Variants in PRPS1 observed in about 807,000 individuals in gnomAD.
PRPS1 encodes ribose-phosphate pyrophosphokinase 1.
In PRPS1, 1 loss-of-function variant was observed where a neutral mutation model predicts 16.9. That is an observed-to-expected ratio of 0.06 (90% confidence interval 0.02 to 0.28). The LOEUF is 0.28. Among genes scored for constraint, PRPS1 ranks in the 10% least tolerant of loss-of-function variants. PRPS1 has a pLI of 1.00. For synonymous variants in PRPS1, 70 were observed against 90.2 expected, an observed-to-expected ratio of 0.78 and a Z score of 1.27; for missense variants, 47 against 254.0, an observed-to-expected ratio of 0.19 and a Z score of 5.54.
intron 5 of PRPS1, 113 bp downstream of exon 5, chrX:107,645,463 TTG>T: frequency 1.1e-6 from 1 of 913,020 alleles, no homozygotes; most frequent in Non-Finnish European, 1.6e-6. Flanking sequence ...ATAAGTAACT[TTG>T]TGAGATTTTT....
chrX:107,641,950 A>G (rs1925582731), intron 3 of PRPS1, among the ~76,000 whole-genome samples: 1 of 112,621 alleles, frequency 8.9e-6, no homozygotes, highest in South Asian at 3.6e-4. Context: ...AGTAGCTTCC[A>G]TTAAGTTTAT....
chrX:107,645,401 G>C (rs767573168), intron 5 of PRPS1, 51 bp downstream of exon 5: 2 of 1,196,626 alleles, frequency 1.7e-6, no homozygotes, highest in South Asian at 1.8e-5. Context: ...GCTAGCAATT[G>C]CTGTCTGAAT....
intron 4 of PRPS1, 144 bp downstream of exon 4, chrX:107,642,634 GT>G: frequency 1.4e-6 from 1 of 737,217 alleles, no homozygotes; most frequent in Non-Finnish European, 2.0e-6. Context: ...GTTGAATATA[GT>G]TTTACCCTTT....
intron 1 of PRPS1, among the ~76,000 whole-genome samples, chrX:107,635,836 A>G (rs1213676971): frequency 1.8e-5 from 2 of 110,015 alleles, no homozygotes; most frequent in Admixed American, 9.7e-5. Flanking sequence ...CAAGGCGGGC[A>G]GATCACGAGG....
rs1243920916 is a variant in PRPS1, at chrX:107,639,400, C to A, written c.228C>A (p.Ala76=). ...TGGAGCTTTTGATCATGATTAATGC[C>A]TGCAAGATTGCTTCAGCCAGCCGGG... ...NLMELLIMIN[A]CKIASASRVT... is the part of the protein sequence containing the mutation. Residue 76 remains alanine (A), a synonymous_variant, in exon 2 of 7, where the codon GCC becomes GCA. Coordinates refer to ENST00000372435, the MANE Select transcript of PRPS1 (RefSeq NM_002764.4). 1 of 1,211,691 alleles carries A rather than the reference C, an allele frequency of 8.3e-7. No individual in the cohort carries two copies. Among genetic ancestry groups the A allele is most frequent in the Admixed American group, 2.2e-5 (1 of 45,966 alleles).
intron 4 of PRPS1, 85 bp downstream of exon 4, chrX:107,642,575 G>C: frequency 8.7e-7 from 1 of 1,153,524 alleles, no homozygotes; most frequent in African/African-American, 1.8e-5. Context: ...TTCTATCCAA[G>C]TGGCAGTTTT....
At chrX:107,642,714 T>C (rs1021888722) in intron 4 of PRPS1, among the ~76,000 whole-genome samples, 3 of 112,199 alleles carry the variant, frequency 2.7e-5, no homozygotes, top group African/African-American at 6.5e-5. Flanking sequence ...CATCATATTA[T>C]GGATTTGACT....
At chrX:107,630,993 A>G (rs946067504) in intron 1 of PRPS1, among the ~76,000 whole-genome samples, 3 of 111,839 alleles carry the variant, frequency 2.7e-5, no homozygotes, top group Non-Finnish European at 3.8e-5. Context: ...ATTGCAGAAA[A>G]TGTGGAAAAT....
intron 4 of PRPS1, among the ~76,000 whole-genome samples, chrX:107,642,920 G>C (rs781483041): frequency 8.9e-6 from 1 of 112,230 alleles, no homozygotes; most frequent in Non-Finnish European, 1.9e-5. Flanking sequence ...TATTAAGCAG[G>C]AAGGAAAGTA....
chrX:107,648,823 G>A (rs1351094762), intron 6 of PRPS1, among the ~76,000 whole-genome samples: 6 of 110,581 alleles, frequency 5.4e-5, no homozygotes, highest in Non-Finnish European at 9.5e-5. Context: ...GCAATGGCAC[G>A]ATCTCAGCTC....
chrX:107,634,644 A>G (rs1013301676), intron 1 of PRPS1, among the ~76,000 whole-genome samples: 10 of 110,787 alleles, frequency 9.0e-5, no homozygotes, highest in African/African-American at 3.3e-4. Context: ...AGAAACTTCC[A>G]GGCAAAAAAT....
At chrX:107,647,231 C>T (rs1602905994) in intron 5 of PRPS1, among the ~76,000 whole-genome samples, 2 of 112,477 alleles carry the variant, frequency 1.8e-5, no homozygotes, top group South Asian at 3.6e-4. Flanking sequence ...TTTCCCCATG[C>T]GCACGCATGC....
intron 1 of PRPS1, among the ~76,000 whole-genome samples, chrX:107,634,833 TTG>T (rs1283422024): frequency 0.048 from 4,798 of 100,432 alleles, 292 homozygotes; most frequent in African/African-American, 0.18. Context: ...ATAAAGTTTT[TTG>T]TTTTTTTTTT....
At chrX:107,646,983 G>A (rs1452663750) in intron 5 of PRPS1, among the ~76,000 whole-genome samples, 1 of 112,682 alleles carries the variant, frequency 8.9e-6, no homozygotes, top group Non-Finnish European at 1.9e-5. Flanking sequence ...GTCTATGCCA[G>A]AGTCCTTTGA....
In PRPS1 at chrX:107,650,326, G is replaced by T; in HGVS notation, c.*294G>T. The stretch of plus-strand genomic sequence containing the variant: ...AGACTTTTGAGGATGTTGTGTGAGG[G>T]TGTTTGACTGTGACTGGGGAAGCTC... On this transcript the variant is annotated 3_prime_UTR_variant, in exon 7 of 7. Coordinates refer to ENST00000372435, the MANE Select transcript of PRPS1 (RefSeq NM_002764.4). The T allele has an allele frequency of 2.3e-6, 1 of 431,911 alleles. No individual in the cohort carries two copies. The highest frequency in any genetic ancestry group is 3.6e-5 in the South Asian group (1 of 27,905). 35.6% of individuals were successfully genotyped at this position (431,911 alleles called of 1,213,427 possible). A position where few individuals can be genotyped will look rare whatever the true frequency, so the allele number is the denominator to read the frequency against.
At chrX:107,644,804 C>T (rs769113674) in intron 4 of PRPS1, among the ~76,000 whole-genome samples, 1 of 110,954 alleles carries the variant, frequency 9.0e-6, no homozygotes, top group African/African-American at 3.3e-5. Flanking sequence ...TTCTTTAGTC[C>T]ATTTCTTTTT....
At chrX:107,635,587 A>G (rs1160287974) in intron 1 of PRPS1, among the ~76,000 whole-genome samples, 1 of 110,162 alleles carries the variant, frequency 9.1e-6, no homozygotes, top group African/African-American at 3.3e-5. Context: ...ACTTGCCACC[A>G]TGCCTAATTT....
intron 5 of PRPS1, 127 bp from the exon 6 acceptor site, chrX:107,647,479 T>G: frequency 1.3e-6 from 1 of 785,842 alleles, no homozygotes; most frequent in Non-Finnish European, 1.8e-6. Context: ...ATAATATTTT[T>G]TATTTTTTTA....
chrX:107,645,608 G>C (rs980998901), intron 5 of PRPS1, among the ~76,000 whole-genome samples: 6 of 110,695 alleles, frequency 5.4e-5, no homozygotes, highest in African/African-American at 2.0e-4. Flanking sequence ...ACTATTTTAA[G>C]TGTATAATTC....
Sources: gnomAD v4.1 joint callset for allele counts (sites outside exome capture counted in the v4.1 genomes callset) on GRCh38, gnomAD v4.1.1 for gene constraint, MANE v1.5 for transcripts, NCBI Gene and HGNC (gene_info 2026-07-23, HGNC 2026-07-21) for gene names.